Variants in ANO2 observed in about 807,000 individuals in gnomAD.
ANO2 encodes the protein anoctamin 2, also known as anoctamin-2.
Under a neutral mutation model 124.2 loss-of-function variants are expected in ANO2, and 101 were observed. The observed-to-expected ratio is 0.81, with a 90% confidence interval of 0.69 to 0.96. The LOEUF is 0.96. Ranked by LOEUF, ANO2 falls within the 40% of genes least tolerant of loss-of-function variation. ANO2 has a pLI of 0.00. For missense variants in ANO2, 1,293 were observed against 1,274.5 expected (o/e 1.01, Z -0.22); for synonymous variants, 486 against 482.5 (o/e 1.01, Z -0.09).
chr12:5,681,455 A>G (rs1490892114), intron 14 of ANO2, among the ~76,000 whole-genome samples: 1 of 152,206 alleles, frequency 6.6e-6, no homozygotes, highest in East Asian at 1.9e-4. Flanking sequence ...ATGAGGCCAA[A>G]GCAGAGTGTC....
intron 3 of ANO2, among the ~76,000 whole-genome samples, chr12:5,887,995 T>C (rs1208766630): frequency 6.6e-6 from 1 of 152,224 alleles, no homozygotes; most frequent in Admixed American, 6.5e-5. Context: ...AGGTTGATTC[T>C]GTGTCCGCAA....
chr12:5,635,274 T>C lies in ANO2; in HGVS notation c.1694A>G (p.Asn565Ser), dbSNP rs749224901. ...RITTAAALSL[N>S]KATRSNVRVT... ...CCGGACATTGGAGCGTGTAGCCTTA[T>C]TGAGAGACAGAGCGGCTGCAGTTGT... The change falls in exon 16 of 25, where the codon AAT becomes AGT. Residue 565 changes from asparagine (N) to serine (S), a missense_variant. Asn to Ser is a conservative substitution (Grantham distance 46). Transcript: ENST00000682330. The surrounding 1 kb of genome is among the most constrained non-coding windows in gnomAD (Gnocchi z 5.2). 8 of 1,611,728 alleles carry C rather than the reference T, an allele frequency of 5.0e-6. 1 individual carries two copies. The East Asian group carries it at 6.7e-5, about 13-fold the overall frequency.
chr12:5,692,640 G>A (rs922040578), intron 14 of ANO2, among the ~76,000 whole-genome samples: 5 of 152,106 alleles, frequency 3.3e-5, no homozygotes, highest in Non-Finnish European at 5.9e-5. Flanking sequence ...GCCCAAGTGT[G>A]GGCTGCCATG....
intron 4 of ANO2, among the ~76,000 whole-genome samples, chr12:5,844,508 A>G (rs1056411073): frequency 2.0e-5 from 3 of 152,226 alleles, no homozygotes; most frequent in Admixed American, 6.5e-5. Context: ...GCCAACATCA[A>G]TAACAGAGGA....
chr12:5,648,225 A>G (rs1340518303), intron 14 of ANO2, among the ~76,000 whole-genome samples: 1 of 152,218 alleles, frequency 6.6e-6, no homozygotes, highest in Non-Finnish European at 1.5e-5. Flanking sequence ...ATAGTAAAGC[A>G]GTGGACAAAT....
At chr12:5,593,881 A>G (rs1943529108) in intron 20 of ANO2, among the ~76,000 whole-genome samples, 3 of 152,310 alleles carry the variant, frequency 2.0e-5, no homozygotes, top group South Asian at 4.1e-4. Flanking sequence ...ACCCCTAACC[A>G]CACTTAGCTG....
At chr12:5,804,896 T>TG (rs1200392857) in intron 9 of ANO2, among the ~76,000 whole-genome samples, 1 of 152,032 alleles carries the variant, frequency 6.6e-6, no homozygotes, top group Non-Finnish European at 1.5e-5. Context: ...AGGCAATGGA[T>TG]GGTGATCACC....
chr12:5,942,559 G>A (rs1480220165), intron 1 of ANO2, among the ~76,000 whole-genome samples: 8 of 152,160 alleles, frequency 5.3e-5, no homozygotes, highest in South Asian at 2.1e-4. Context: ...CCACAAGACC[G>A]CACACAACCT....
intron 3 of ANO2, among the ~76,000 whole-genome samples, chr12:5,878,128 T>C (rs1938234112): frequency 6.6e-6 from 1 of 152,264 alleles, no homozygotes; most frequent in South Asian, 2.1e-4. Context: ...TCCATTTTAC[T>C]ACAATCACTA....
rs1047793699 is a variant in ANO2 at position 5,635,089 on chromosome 12, A to G, written c.1816+63T>C. 48 of 1,384,400 alleles carry G rather than the reference A, an allele frequency of 3.5e-5. No homozygotes were observed. The highest frequency in any genetic ancestry group is 4.4e-5 in the Non-Finnish European group (46 of 1,043,644). 85.8% of individuals were successfully genotyped at this position (1,384,400 alleles called of 1,614,324 possible). ...CCCATTTTTTTTATTTTATCACCAAAAGCCTTGCACGCATTGACTTAAAGA... is the reference window on the plus strand; with the variant it reads ...CCCATTTTTTTTATTTTATCACCAAGAGCCTTGCACGCATTGACTTAAAGA... On this transcript the variant is annotated intron_variant, in intron 16 of 24. Coordinates refer to ENST00000682330, the MANE Select transcript of ANO2 (RefSeq NM_001364791.2). This position sits in a 1 kb window ranked among gnomAD's most constrained non-coding sequence, Gnocchi z 5.2.
intron 7 of ANO2, among the ~76,000 whole-genome samples, chr12:5,825,554 ACAC>A (rs1268930920): frequency 6.6e-6 from 1 of 150,928 alleles, no homozygotes; most frequent in African/African-American, 2.5e-5. Flanking sequence ...CCACCAGGAG[ACAC>A]AACAACAATT....
At chr12:5,579,245 G>A (rs1942599087) in intron 20 of ANO2, among the ~76,000 whole-genome samples, 1 of 152,238 alleles carries the variant, frequency 6.6e-6, no homozygotes, top group Non-Finnish European at 1.5e-5. Context: ...TTTGAAAGTG[G>A]AGAGTTAAGT....
intron 10 of ANO2, among the ~76,000 whole-genome samples, chr12:5,790,368 C>T (rs939645392): frequency 9.9e-5 from 15 of 152,164 alleles, no homozygotes; most frequent in African/African-American, 3.4e-4. Flanking sequence ...AGATCCTCTC[C>T]TGAATTTCCC....
chr12:5,824,395 T>C (rs1953896380), intron 7 of ANO2, among the ~76,000 whole-genome samples: 1 of 152,178 alleles, frequency 6.6e-6, no homozygotes, highest in Non-Finnish European at 1.5e-5. Context: ...TAAACCATCT[T>C]TGTCAAGTTC....
intron 20 of ANO2, among the ~76,000 whole-genome samples, chr12:5,589,710 G>A (rs2136865980): frequency 6.6e-6 from 1 of 152,284 alleles, no homozygotes; most frequent in South Asian, 2.1e-4. Flanking sequence ...GAAGGGGGAG[G>A]TGGTAAGGAG....
intron 2 of ANO2, among the ~76,000 whole-genome samples, chr12:5,922,346 C>T (rs77612495): frequency 0.012 from 1,898 of 152,324 alleles, 19 homozygotes; most frequent in Non-Finnish European, 0.017. Context: ...CTCAGGCTTG[C>T]AGGAGGGGAA....
chr12:5,695,375 TAA>T (rs78967769), intron 14 of ANO2, among the ~76,000 whole-genome samples: 41 of 127,714 alleles, frequency 3.2e-4, no homozygotes, highest in Admixed American at 4.8e-4. Flanking sequence ...ACATGGAACT[TAA>T]AAAAAAAAAA....
In ANO2 at chr12:5,575,967, G is replaced by A; in HGVS notation, c.2488C>T (p.Gln830Ter). 3 of 1,612,606 alleles carry A rather than the reference G, an allele frequency of 1.9e-6. No homozygotes were observed. Among genetic ancestry groups the A allele is most frequent in the Non-Finnish European group, 2.5e-6 (3 of 1,179,346 alleles). ...TSDFIPRLVYQYSYSHNGTLH... is the reference protein window; with the variant it reads ...TSDFIPRLVY ...GTCCCATTGTGACTGTAGGAGTACTGGTACACCAGGCGGGGGATAAAGTCG... is the reference window on the plus strand; with the variant it reads ...GTCCCATTGTGACTGTAGGAGTACTAGTACACCAGGCGGGGGATAAAGTCG... The change falls in exon 23 of 25, where the codon CAG (glutamine) becomes TAG (stop). Residue 830 changes from glutamine to a stop codon, truncating the protein, a stop_gained. Transcript: ENST00000682330. LOFTEE classifies it high-confidence loss of function.
intron 20 of ANO2, among the ~76,000 whole-genome samples, chr12:5,598,230 T>C (rs1943757365): frequency 6.6e-6 from 1 of 152,208 alleles, no homozygotes; most frequent in Non-Finnish European, 1.5e-5. Context: ...AGGAGTCATA[T>C]GCAAACACAG....
Sources: allele counts gnomAD v4.1 joint callset (sites outside exome capture counted in the v4.1 genomes callset), GRCh38; gene constraint gnomAD v4.1.1; non-coding constraint Gnocchi (gnomAD v3.1); transcripts MANE v1.5; gene names NCBI Gene and HGNC (gene_info 2026-07-23, HGNC 2026-07-21).